POU2F3: variants seen among roughly 807,000 people sequenced by gnomAD.
POU2F3 encodes POU domain, class 2, transcription factor 3.
POU2F3 carries 23 observed loss-of-function variants against 59.2 expected under a neutral mutation model. That is an observed-to-expected ratio of 0.39 (90% confidence interval 0.28 to 0.55). The LOEUF is 0.55. POU2F3 is among the 20% of genes least tolerant of loss of function. POU2F3 has a pLI of 0.66. For synonymous variants in POU2F3, 190 were observed against 214.6 expected (o/e 0.89, Z 1.00); for missense variants, 473 against 544.5 (o/e 0.87, Z 1.31).
intron 10 of POU2F3, among the ~76,000 whole-genome samples, chr11:120,314,712 C>G (rs2135137936): frequency 3.3e-5 from 5 of 152,236 alleles, no homozygotes; most frequent in Middle Eastern, 6.8e-3. Flanking sequence ...AGGATAGTAA[C>G]AGTGAGGGGG....
chr11:120,295,469 G>C (rs1941169153), intron 3 of POU2F3, among the ~76,000 whole-genome samples: 1 of 152,252 alleles, frequency 6.6e-6, no homozygotes, highest in African/African-American at 2.4e-5. Context: ...AGATGCCTGG[G>C]GGCAGGAGGA....
chr11:120,295,383 T>A (rs1014356994), intron 3 of POU2F3, among the ~76,000 whole-genome samples: 2 of 152,204 alleles, frequency 1.3e-5, no homozygotes, highest in Middle Eastern at 3.2e-3. Flanking sequence ...ACCAGCATGA[T>A]TTTACCTCCA....
intron 3 of POU2F3, among the ~76,000 whole-genome samples, chr11:120,294,265 CA>C (rs1941121725): frequency 6.6e-6 from 1 of 152,216 alleles, no homozygotes; most frequent in South Asian, 2.1e-4. Flanking sequence ...CCTAAACCAA[CA>C]AAGCTTGTCC....
chr11:120,236,682 T>A, upstream of POU2F3: 1 of 1,505,398 alleles, frequency 6.6e-7, no homozygotes, highest in Non-Finnish European at 8.9e-7. Flanking sequence ...TCATGGAGTC[T>A]CCAAGAACTG....
chr11:120,287,698 G>C (rs1434991156), intron 3 of POU2F3, among the ~76,000 whole-genome samples: 1 of 152,076 alleles, frequency 6.6e-6, no homozygotes, highest in Non-Finnish European at 1.5e-5. Context: ...TGTGCCTAGA[G>C]CCCTGTCCCC....
At chr11:120,264,108 T>C (rs961666371) in intron 2 of POU2F3, among the ~76,000 whole-genome samples, 1 of 152,044 alleles carries the variant, frequency 6.6e-6, no homozygotes, top group Non-Finnish European at 1.5e-5. Context: ...CAGTGGCTCA[T>C]GCCTATAATC....
intron 3 of POU2F3, among the ~76,000 whole-genome samples, chr11:120,276,390 C>T (rs1940326259): frequency 6.6e-6 from 1 of 152,086 alleles, no homozygotes; most frequent in South Asian, 2.1e-4. Context: ...GAAAGCCATG[C>T]CAGGAGAATA....
intron 3 of POU2F3, among the ~76,000 whole-genome samples, chr11:120,284,875 C>A (rs761154325): frequency 2.6e-5 from 4 of 152,178 alleles, no homozygotes; most frequent in Non-Finnish European, 5.9e-5. Context: ...TCCCACAGAG[C>A]CCCGCTGCTC....
At chr11:120,278,611 A>G (rs546628861) in intron 3 of POU2F3, among the ~76,000 whole-genome samples, 3 of 152,160 alleles carry the variant, frequency 2.0e-5, no homozygotes, top group Non-Finnish European at 4.4e-5. Flanking sequence ...AAAAATTCCT[A>G]AAAATGTCAG....
rs370431541 is a variant in POU2F3, at chr11:120,305,149, C to G, written c.564C>G (p.Leu188=). Reference sequence around the variant, plus strand: ...GAGGGGCCGATGAGCCCAGTGACCTCGAGGAGCTGGAGAAGTTTGCCAAGA... The same window carrying G: ...GAGGGGCCGATGAGCCCAGTGACCTGGAGGAGCTGGAGAAGTTTGCCAAGA... ...SSGGADEPSD[L]EELEKFAKTF... is the part of the protein sequence containing the mutation. Residue 188 remains leucine, a synonymous_variant, in exon 7 of 13, where the codon CTC becomes CTG. Coordinates refer to ENST00000543440, the MANE Select transcript of POU2F3 (RefSeq NM_014352.4). 21 of 1,613,556 alleles carry G rather than the reference C, an allele frequency of 1.3e-5. No homozygotes were observed. Among genetic ancestry groups the G allele is most frequent in the African/African-American group, 1.1e-4 (8 of 74,730 alleles).
intron 8 of POU2F3, among the ~76,000 whole-genome samples, 174 bp from the exon 9 acceptor site, chr11:120,307,305 A>G (rs1941522326): frequency 6.6e-6 from 1 of 152,200 alleles, no homozygotes; most frequent in African/African-American, 2.4e-5. Flanking sequence ...GCCCTGAGCA[A>G]TGAAAAGAAA....
upstream of POU2F3, chr11:120,236,729 C>G (rs563046415): frequency 4.2e-5 from 62 of 1,461,544 alleles, no homozygotes; most frequent in Admixed American, 3.3e-4. Context: ...CTCTACGTTC[C>G]CATTCTAGCT....
chr11:120,285,546 C>T lies in POU2F3; in HGVS notation c.133-12719C>T, dbSNP rs559865005. ...ATGCCTTCCTTAAACCAGTTATATA[C>T]TTAATACATGAATACTTTCCGGTTA... On this transcript the variant is annotated intron_variant, in intron 3 of 12. Transcript: ENST00000543440. This position sits in a 1 kb window ranked among gnomAD's most constrained non-coding sequence, Gnocchi z 4.3. Among the ~76,000 whole-genome samples, 1 of 152,102 alleles carries T rather than the reference C, an allele frequency of 6.6e-6. No homozygotes were observed. The highest frequency in any genetic ancestry group is 1.5e-5 in the Non-Finnish European group (1 of 68,028).
At chr11:120,305,454 TGA>T in intron 7 of POU2F3, 188 bp from the exon 8 acceptor site, 1 of 1,018,164 alleles carries the variant, frequency 9.8e-7, no homozygotes. Flanking sequence ...CGTGGTCCAC[TGA>T]GAGTCTAAGG....
intron 5 of POU2F3, chr11:120,300,932 A>C (rs930948425): frequency 9.2e-6 from 4 of 436,430 alleles, no homozygotes; most frequent in Admixed American, 2.5e-5. Flanking sequence ...TCAGAATATT[A>C]TGGTGATGAA....
intron 3 of POU2F3, among the ~76,000 whole-genome samples, chr11:120,294,715 A>T (rs917803503): frequency 6.6e-6 from 1 of 152,186 alleles, no homozygotes. Context: ...GTCAGAGGCC[A>T]TGGGAATTGT....
intron 2 of POU2F3, among the ~76,000 whole-genome samples, chr11:120,251,434 C>A (rs1337993496): frequency 1.3e-5 from 2 of 152,256 alleles, no homozygotes; most frequent in African/African-American, 2.4e-5. Flanking sequence ...TTAAGTCCTG[C>A]ATGCACTTGT....
intron 3 of POU2F3, among the ~76,000 whole-genome samples, chr11:120,273,577 C>G: frequency 6.6e-6 from 1 of 152,116 alleles, no homozygotes; most frequent in Admixed American, 6.5e-5. Flanking sequence ...TGTTCTCAAG[C>G]ATGACTAGTT....
chr11:120,304,180 A>G (rs1336497437), intron 6 of POU2F3: 1 of 152,034 alleles, frequency 6.6e-6, no homozygotes, highest in African/African-American at 2.4e-5. Flanking sequence ...AAAAAACAAA[A>G]GTTAGCCAGG....
Sources: allele counts gnomAD v4.1 joint callset (sites outside exome capture counted in the v4.1 genomes callset), GRCh38; gene constraint gnomAD v4.1.1; non-coding constraint Gnocchi (gnomAD v3.1); transcripts MANE v1.5; gene names NCBI Gene and HGNC (gene_info 2026-07-23, HGNC 2026-07-21).